HSF2BP: variants seen among roughly 807,000 people sequenced by gnomAD.
HSF2BP encodes the protein heat shock factor 2-binding protein.
Under a neutral mutation model 35.0 loss-of-function variants are expected in HSF2BP, and 35 were observed. That is an observed-to-expected ratio of 1.00 (90% CI 0.76 to 1.32). The LOEUF is 1.32. Ranked by LOEUF, HSF2BP falls within the 40% of genes most tolerant of loss-of-function variation. The pLI is 0.00. For missense variants in HSF2BP, 326 were observed against 321.7 expected, an observed-to-expected ratio of 1.01 and a Z score of -0.10; for synonymous variants, 114 against 117.4, an observed-to-expected ratio of 0.97 and a Z score of 0.18.
intron 6 of HSF2BP, among the ~76,000 whole-genome samples, chr21:43,618,946 A>G (rs1299110985): frequency 6.6e-6 from 1 of 151,840 alleles, no homozygotes; most frequent in African/African-American, 2.4e-5. Flanking sequence ...CTCCGTCTCA[A>G]AAAAAGAAAA....
intron 6 of HSF2BP, among the ~76,000 whole-genome samples, chr21:43,625,677 A>G (rs1165357642): frequency 6.6e-6 from 1 of 152,242 alleles, no homozygotes; most frequent in Non-Finnish European, 1.5e-5. Context: ...CCCACAGGAT[A>G]GTCTTGGTAT....
intron 3 of HSF2BP, among the ~76,000 whole-genome samples, chr21:43,653,894 G>A (rs4818857): frequency 6.6e-6 from 1 of 151,968 alleles, no homozygotes; most frequent in African/African-American, 2.4e-5. Context: ...GTGAGGAAGA[G>A]AGACAGGTAA....
the HSF2BP span, among the ~76,000 whole-genome samples, chr21:43,467,819 CA>C: frequency 1.7e-5 from 2 of 119,518 alleles, no homozygotes; most frequent in African/African-American, 6.8e-5. Context: ...ACACCACACA[CA>C]CACACCACAC....
At chr21:43,655,817 G>A (rs2082859858) in intron 3 of HSF2BP, among the ~76,000 whole-genome samples, 1 of 152,204 alleles carries the variant, frequency 6.6e-6, no homozygotes, top group Admixed American at 6.5e-5. Context: ...CTAACTGGAT[G>A]TGGCTGGCCC....
intron 8 of HSF2BP, among the ~76,000 whole-genome samples, chr21:43,575,926 T>C (rs759106639): frequency 6.6e-6 from 1 of 152,188 alleles, no homozygotes; most frequent in Non-Finnish European, 1.5e-5. Flanking sequence ...GAGATCAGCC[T>C]GGCCAACATG....
At chr21:43,627,520 C>G (rs1175115726) in intron 6 of HSF2BP, among the ~76,000 whole-genome samples, 4 of 152,182 alleles carry the variant, frequency 2.6e-5, no homozygotes, top group Non-Finnish European at 5.9e-5. Context: ...ATAACTGATA[C>G]TTATCAGAAT....
In HSF2BP at chr21:43,604,976, ACACACAT is replaced by A. The variant is rs1225583728; in HGVS notation, c.692+8847_692+8853del. Reference sequence around the variant, plus strand: ...ACACCACACACACACTACACACCACACACACATCACACATCACACCACACACATCAGA... The same window carrying A: ...ACACCACACACACACTACACACCACACACACATCACACCACACACATCAGA... On this transcript the variant is annotated intron_variant, in intron 7 of 8. Transcript: ENST00000291560. Among the ~76,000 whole-genome samples the A allele has an allele frequency of 6.1e-5, 9 of 147,422 alleles. No individual in the cohort carries two copies. The East Asian group carries it at 1.2e-3, about 20-fold the overall frequency.
In HSF2BP at chr21:43,597,122, G is replaced by C. The variant is rs975327765; in HGVS notation, c.693-4794C>G. On this transcript the variant is annotated intron_variant, in intron 7 of 8. Coordinates refer to ENST00000291560, the MANE Select transcript of HSF2BP (RefSeq NM_007031.2). This position sits in a 1 kb window ranked among gnomAD's most constrained non-coding sequence, Gnocchi z 4.3. ...TAAAATGTGCATGAAAACCCTCCAA[G>C]GTCCTGGCCTCTAAATGGCACAAGT... is the stretch of plus-strand genomic sequence containing the variant. Among the ~76,000 whole-genome samples the C allele has an allele frequency of 1.3e-5, 2 of 152,164 alleles. No individual in the cohort carries two copies. The highest frequency in any genetic ancestry group is 4.8e-5 in the African/African-American group (2 of 41,434).
chr21:43,594,115 A>AAAT (rs1190174940), intron 7 of HSF2BP, among the ~76,000 whole-genome samples: 3 of 152,228 alleles, frequency 2.0e-5, no homozygotes, highest in Admixed American at 2.0e-4. Flanking sequence ...GGTAAAGAGA[A>AAAT]AATAATAATA....
chr21:43,506,150 C>G, the HSF2BP span, among the ~76,000 whole-genome samples: 3 of 131,294 alleles, frequency 2.3e-5, no homozygotes, highest in Admixed American at 2.2e-4. Flanking sequence ...AGAAAAGCAC[C>G]ACTGGGGAGA....
chr21:43,603,237 C>A (rs1252558643), intron 7 of HSF2BP, among the ~76,000 whole-genome samples: 1 of 152,186 alleles, frequency 6.6e-6, no homozygotes, highest in African/African-American at 2.4e-5. Flanking sequence ...GGGCCCTCCA[C>A]ATGCAGCTCA....
At chr21:43,604,650 A>ACC (rs2082102393) in intron 7 of HSF2BP, among the ~76,000 whole-genome samples, 1 of 140,030 alleles carries the variant, frequency 7.1e-6, no homozygotes. Flanking sequence ...CACACACCAC[A>ACC]CACACACCAC....
intron 4 of HSF2BP, among the ~76,000 whole-genome samples, chr21:43,637,815 A>AC: frequency 6.6e-6 from 1 of 151,264 alleles, no homozygotes; most frequent in East Asian, 1.9e-4. Context: ...TGGAAAAAAA[A>AC]AAAAGAAAGA....
chr21:43,458,170 C>T, the HSF2BP span, among the ~76,000 whole-genome samples: 4 of 86,336 alleles, frequency 4.6e-5, 1 homozygote, highest in Non-Finnish European at 9.4e-5. Context: ...CATCCACGCT[C>T]AGGGAGGCCA....
intron 8 of HSF2BP, among the ~76,000 whole-genome samples, chr21:43,590,295 T>A (rs892926956): frequency 7.9e-5 from 12 of 152,086 alleles, no homozygotes; most frequent in African/African-American, 2.9e-4. Flanking sequence ...AAAATACAAA[T>A]TAAAACCACA....
intron 7 of HSF2BP, among the ~76,000 whole-genome samples, chr21:43,599,100 C>G (rs935315208): frequency 6.6e-6 from 1 of 152,178 alleles, no homozygotes; most frequent in African/African-American, 2.4e-5. Flanking sequence ...ACAGGGAAAC[C>G]TTCTGAAAAG....
intron 4 of HSF2BP, among the ~76,000 whole-genome samples, chr21:43,637,963 A>T (rs1464846331): frequency 6.6e-6 from 1 of 152,250 alleles, no homozygotes; most frequent in Admixed American, 6.5e-5. Context: ...CAAGGCAAAG[A>T]TATCCACTCT....
intron 3 of HSF2BP, among the ~76,000 whole-genome samples, chr21:43,651,154 T>C (rs1038110517): frequency 2.8e-4 from 43 of 152,158 alleles, no homozygotes; most frequent in African/African-American, 1.0e-3. Context: ...AGGGTTCACA[T>C]AGTTTCCCAC....
At chr21:43,590,057 C>T (rs2081906994) in intron 8 of HSF2BP, among the ~76,000 whole-genome samples, 1 of 152,180 alleles carries the variant, frequency 6.6e-6, no homozygotes, top group South Asian at 2.1e-4. Flanking sequence ...GTCTTCTGCT[C>T]TTCAGAAGAT....
Sources: allele counts gnomAD v4.1 joint callset (sites outside exome capture counted in the v4.1 genomes callset), GRCh38; gene constraint gnomAD v4.1.1; non-coding constraint Gnocchi (gnomAD v3.1); transcripts MANE v1.5; gene names NCBI Gene and HGNC (gene_info 2026-07-23, HGNC 2026-07-21).